VAV3: variants seen among roughly 807,000 people sequenced by gnomAD.
VAV3 encodes vav guanine nucleotide exchange factor 3.
In VAV3, 94 loss-of-function variants were observed where a neutral mutation model predicts 131.2. The ratio of observed to expected loss-of-function variants is 0.72; its 90% confidence interval spans 0.61 to 0.85. The LOEUF (loss-of-function observed/expected upper bound fraction) is 0.85. VAV3 is among the 40% of genes least tolerant of loss of function. VAV3 has a pLI of 0.00. For missense variants in VAV3, 939 were observed against 1,002.7 expected (o/e 0.94, Z 0.86); for synonymous variants, 349 against 342.0 (o/e 1.02, Z -0.22).
rs749613177 is a variant in VAV3, at chr1:107,651,109, G to A, written c.1778-8354C>T. Among the ~76,000 whole-genome samples the A allele has an allele frequency of 2.9e-4, 44 of 152,162 alleles. No homozygotes were observed. In the Middle Eastern group the frequency reaches 0.01, roughly 35 times the overall value. On this transcript the variant is annotated intron_variant, in intron 19 of 26. Transcript: ENST00000370056. ...AGAGCTCCCTCACCCCATCTACCAC[G>A]TGAGAACACTGAGAAGACAGCCATC... is the stretch of plus-strand genomic sequence containing the variant.
chr1:107,688,586 A>G (rs1659197884), intron 17 of VAV3, 180 bp from the exon 18 acceptor site: 4 of 1,471,824 alleles, frequency 2.7e-6, no homozygotes, highest in Non-Finnish European at 3.6e-6. Flanking sequence ...TGGTTCTCTT[A>G]CCCTATTGGC....
At chr1:107,795,469 T>C (rs1196253356) in intron 2 of VAV3, among the ~76,000 whole-genome samples, 2 of 152,244 alleles carry the variant, frequency 1.3e-5, no homozygotes, top group Non-Finnish European at 2.9e-5. Flanking sequence ...ACAATGTTTC[T>C]GTTTTGGTAC....
chr1:107,835,776 C>T (rs1380036136), intron 2 of VAV3, among the ~76,000 whole-genome samples: 1 of 152,148 alleles, frequency 6.6e-6, no homozygotes, highest in Admixed American at 6.5e-5. Context: ...ACTGCTCTGC[C>T]CAAAGATCCC....
At chr1:107,707,948 C>A (rs1055382477) in intron 15 of VAV3, among the ~76,000 whole-genome samples, 3 of 152,208 alleles carry the variant, frequency 2.0e-5, no homozygotes, top group African/African-American at 7.2e-5. Context: ...CTCTAATGTA[C>A]CAGATACATC....
At chr1:107,577,156 T>C (rs918220909) in intron 25 of VAV3, among the ~76,000 whole-genome samples, 1 of 152,234 alleles carries the variant, frequency 6.6e-6, no homozygotes, top group African/African-American at 2.4e-5. Context: ...TTAGGTACCA[T>C]GCTGAAAGTG....
intron 15 of VAV3, among the ~76,000 whole-genome samples, chr1:107,741,620 C>G (rs914396971): frequency 6.6e-6 from 1 of 152,106 alleles, no homozygotes; most frequent in Non-Finnish European, 1.5e-5. Flanking sequence ...TCTCCTGGGT[C>G]TGACAGGTGG....
intron 19 of VAV3, among the ~76,000 whole-genome samples, chr1:107,653,472 C>T (rs977893469): frequency 2.0e-5 from 3 of 152,022 alleles, no homozygotes; most frequent in African/African-American, 7.2e-5. Context: ...TCATTGTAAA[C>T]TTCTATGAGT....
chr1:107,799,169 T>C (rs568405311), intron 2 of VAV3, among the ~76,000 whole-genome samples: 87 of 152,276 alleles, frequency 5.7e-4, no homozygotes, highest in Middle Eastern at 3.4e-3. Context: ...AAATTGTGGA[T>C]TTCACTTTTT....
intron 2 of VAV3, among the ~76,000 whole-genome samples, chr1:107,850,481 A>G (rs1669166797): frequency 1.3e-5 from 2 of 152,036 alleles, no homozygotes; most frequent in Admixed American, 1.3e-4. Flanking sequence ...ACAGATAAAC[A>G]AACATGGCAT....
At chr1:107,839,195 G>A (rs1040663712) in intron 2 of VAV3, among the ~76,000 whole-genome samples, 8 of 152,110 alleles carry the variant, frequency 5.3e-5, no homozygotes, top group African/African-American at 7.2e-5. Context: ...ATAGGGCAGA[G>A]GCTGATTTAA....
At chr1:107,846,110 ACT>A (rs1214265057) in intron 2 of VAV3, among the ~76,000 whole-genome samples, 1 of 152,118 alleles carries the variant, frequency 6.6e-6, no homozygotes, top group Non-Finnish European at 1.5e-5. Context: ...CTCTGCAGAA[ACT>A]CTAGAAACCA....
At position 107,688,376 on chromosome 1, in the gene VAV3, C is replaced by A. The variant is rs1458431336; in HGVS notation, c.1731+5G>T. 1.2e-6 allele frequency: 2 copies of A among 1,612,614 alleles called. No homozygotes were observed. The highest frequency in any genetic ancestry group is 8.5e-7 in the Non-Finnish European group (1 of 1,179,404). ...TATAAAAAATATTTAAAATGTTAATCTTACCTCTGGTAGTTTGAGTGTCCC... is the reference window on the plus strand; with the variant it reads ...TATAAAAAATATTTAAAATGTTAATATTACCTCTGGTAGTTTGAGTGTCCC... On this transcript the variant is annotated splice_donor_5th_base_variant and intron_variant, in intron 18 of 26. Transcript: ENST00000370056.
chr1:107,626,801 A>G (rs992126725), intron 20 of VAV3, among the ~76,000 whole-genome samples: 9 of 152,214 alleles, frequency 5.9e-5, no homozygotes, highest in African/African-American at 2.2e-4. Flanking sequence ...AACCCAAAGC[A>G]ATGAGTCTTT....
intron 2 of VAV3, 80 bp from the exon 3 acceptor site, chr1:107,779,572 A>G (rs1186107049): frequency 3.7e-6 from 4 of 1,078,580 alleles, no homozygotes; most frequent in African/African-American, 1.6e-5. Flanking sequence ...TTTCAATCTA[A>G]TATTAACCAT....
At chr1:107,658,415 G>A (rs1033133299) in intron 19 of VAV3, among the ~76,000 whole-genome samples, 26 of 152,306 alleles carry the variant, frequency 1.7e-4, no homozygotes, top group African/African-American at 6.3e-4. Context: ...ACATACGTGT[G>A]CATGTGTCTT....
At chr1:107,775,577 C>CAAAAAAAAAAAAA (rs34775096) in intron 4 of VAV3, among the ~76,000 whole-genome samples, 1 of 56,472 alleles carries the variant, frequency 1.8e-5, no homozygotes, top group Admixed American at 3.3e-4. Context: ...GACTCAGTCA[C>CAAAAAAAAAAAAA]AAAAAAAAAA....
At chr1:107,596,900 A>T (rs1651439663) in intron 24 of VAV3, among the ~76,000 whole-genome samples, 1 of 152,222 alleles carries the variant, frequency 6.6e-6, no homozygotes, top group African/African-American at 2.4e-5. Flanking sequence ...TGCTACTCAC[A>T]GAGGTCAATG....
chr1:107,825,044 T>TA (rs1667952017), intron 2 of VAV3, among the ~76,000 whole-genome samples: 1 of 152,158 alleles, frequency 6.6e-6, no homozygotes, highest in African/African-American at 2.4e-5. Context: ...ATTTTGTAAA[T>TA]AAAGTTTTAT....
intron 15 of VAV3, among the ~76,000 whole-genome samples, chr1:107,719,669 G>C (rs1400853628): frequency 6.6e-6 from 1 of 152,148 alleles, no homozygotes. Flanking sequence ...CAAGGATCTA[G>C]AACTAGAAAT....
Sources: allele counts gnomAD v4.1 joint callset (sites outside exome capture counted in the v4.1 genomes callset), GRCh38; gene constraint gnomAD v4.1.1; transcripts MANE v1.5; gene names NCBI Gene and HGNC (gene_info 2026-07-23, HGNC 2026-07-21).